Variants in AGBL5 observed in about 807,000 individuals in gnomAD.
AGBL5 encodes AGBL carboxypeptidase 5.
A neutral mutation model predicts 88.0 loss-of-function variants in AGBL5; 51 were observed. The observed-to-expected ratio is 0.58, with a 90% CI of 0.46 to 0.73. AGBL5 has a LOEUF of 0.73. Among genes scored for constraint, AGBL5 ranks in the 30% least tolerant of loss-of-function variants. The pLI is 0.00. For synonymous variants in AGBL5, 446 were observed against 438.8 expected (o/e 1.02, Z -0.21); for missense variants, 1,031 against 1,162.2 (o/e 0.89, Z 1.64).
At chr2:27,051,989 T>C (rs1866653) in intron 1 of AGBL5, 196 bp downstream of exon 1, 149,302 of 152,806 alleles carry the variant, frequency 0.98, 73,034 homozygotes, top group East Asian at 1. Context: ...CCCTGCCTAA[T>C]CCCCTGCCGC....
At chr2:27,068,501 G>T in intron 12 of AGBL5, 131 bp from the exon 13 acceptor site, 1 of 712,008 alleles carries the variant, frequency 1.4e-6, no homozygotes, top group Non-Finnish European at 2.3e-6. Context: ...CAATGCACAA[G>T]ACTACTCCCC....
rs1222905929 is a variant in AGBL5 at position 27,059,264 on chromosome 2, G to A, written c.1949G>A (p.Gly650Asp). The A allele has an allele frequency of 3.7e-6, 6 of 1,614,098 alleles. No homozygotes were observed. The highest frequency in any genetic ancestry group is 5.1e-6 in the Non-Finnish European group (6 of 1,180,046). ...TTTAGCACCGGCACAAGTGCCGGTG[G>A]TAGCAGCAGCAGCCAACAAAATTCT... is the stretch of plus-strand genomic sequence containing the variant. Reference protein sequence around the residue: ...RSFSTGTSAGGSSSSQQNSPQ... With the variant: ...RSFSTGTSAGDSSSSQQNSPQ... Residue 650 changes from glycine to aspartate, a missense_variant, in exon 11 of 15, where the codon GGT becomes GAT. Transcript: ENST00000360131.
At chr2:27,068,360 C>G (rs563013056) in intron 12 of AGBL5, among the ~76,000 whole-genome samples, 1 of 152,256 alleles carries the variant, frequency 6.6e-6, no homozygotes, top group Non-Finnish European at 1.5e-5. Context: ...AGAGCCTCAA[C>G]CAGGGGTGAT....
chr2:27,065,780 TGAAA>T (rs1558423555), intron 11 of AGBL5, among the ~76,000 whole-genome samples: 6 of 152,120 alleles, frequency 3.9e-5, no homozygotes, highest in Admixed American at 2.0e-4. Context: ...AGATGGGACA[TGAAA>T]GATGGTCATG....
Position 27,070,237 on chromosome 2 carries a change from C to T in AGBL5, c.2635C>T (p.Pro879Ser). 1.2e-6 allele frequency: 2 copies of T among 1,614,220 alleles called. No homozygotes were observed. Among genetic ancestry groups the T allele is most frequent in the Non-Finnish European group, 1.7e-6 (2 of 1,180,024 alleles). Residue 879 changes from proline to serine, a missense_variant, in exon 15 of 15, where the codon CCA becomes TCA. Physicochemically the swap from Pro to Ser is moderately conservative, Grantham distance 74 (BLOSUM62 -1). Around this residue, in one of 2 missense-constraint regions of AGBL5, gnomAD observed 491 missense variants for 484.0 expected, o/e 1.01. Coordinates refer to ENST00000360131, the MANE Select transcript of AGBL5 (RefSeq NM_021831.6). ...PEVCFVPKSP[P>S]LTVSPRV ...GGTTTGTTTTGTCCCTAAATCTCCC[C>T]CACTGACTGTTTCTCCCCGGGTCTG...
intron 9 of AGBL5, 62 bp from the exon 10 acceptor site, chr2:27,058,338 C>A: frequency 6.3e-7 from 1 of 1,592,414 alleles, no homozygotes; most frequent in East Asian, 2.2e-5. Flanking sequence ...TGTGTACCCA[C>A]CCCAAGGTAG....
At chr2:27,060,837 A>G (rs1668681912) in intron 11 of AGBL5, among the ~76,000 whole-genome samples, 1 of 152,260 alleles carries the variant, frequency 6.6e-6, no homozygotes, top group Admixed American at 6.5e-5. Flanking sequence ...TTATGTTTAC[A>G]TAGCATTTAA....
chr2:27,062,996 G>A (rs1668790182), intron 11 of AGBL5: 1 of 152,268 alleles, frequency 6.6e-6, no homozygotes, highest in South Asian at 2.1e-4. Context: ...GTAAGACTGT[G>A]TAAGACACTG....
chr2:27,051,159 T>C (rs1024779915), upstream of AGBL5: 2 of 152,250 alleles, frequency 1.3e-5, no homozygotes, highest in African/African-American at 4.8e-5. Flanking sequence ...GATCCACTGG[T>C]CAGTGAACAG....
chr2:27,051,211 G>T (rs76952917), upstream of AGBL5, among the ~76,000 whole-genome samples: 3 of 152,236 alleles, frequency 2.0e-5, no homozygotes, highest in Admixed American at 6.5e-5. Flanking sequence ...CTAAGCAGCA[G>T]GCGGGGGATT....
chr2:27,055,393 TGAGA>T, intron 6 of AGBL5, 140 bp downstream of exon 6: 1 of 1,158,122 alleles, frequency 8.6e-7, no homozygotes, highest in Non-Finnish European at 1.2e-6. Flanking sequence ...CTCATCTTCC[TGAGA>T]AAGCATGAGA....
rs1558412302 is a variant in AGBL5, at chr2:27,053,779, C to T, written c.388-117C>T. The stretch of plus-strand genomic sequence containing the variant: ...GCCACTTTTCATATAGAAAGTGTCA[C>T]AGGGAGGGAAGTTGGTAAAGGTGAT... On this transcript the variant is annotated intron_variant, in intron 3 of 14. Coordinates refer to ENST00000360131, the MANE Select transcript of AGBL5 (RefSeq NM_021831.6). This position sits in a 1 kb window ranked among gnomAD's most constrained non-coding sequence, Gnocchi z 4.9. 2.1e-6 allele frequency: 3 copies of T among 1,444,668 alleles called. No homozygotes were observed. The highest frequency in any genetic ancestry group is 2.8e-6 in the Non-Finnish European group (3 of 1,072,386). 89.5% of individuals were successfully genotyped at this position (1,444,668 alleles called of 1,614,324 possible). A position where few individuals can be genotyped will look rare whatever the true frequency, so the allele number is the denominator to read the frequency against.
intron 11 of AGBL5, among the ~76,000 whole-genome samples, chr2:27,067,179 G>C (rs1669028705): frequency 6.6e-6 from 1 of 151,572 alleles, no homozygotes; most frequent in Non-Finnish European, 1.5e-5. Context: ...CTGAGCCTAG[G>C]AGGCTGAGGC....
At chr2:27,064,438 G>C (rs1216889168) in intron 11 of AGBL5, among the ~76,000 whole-genome samples, 2 of 151,876 alleles carry the variant, frequency 1.3e-5, no homozygotes. Context: ...TGGGCCTACA[G>C]GTGCACACCA....
chr2:27,070,278 T>A lies in AGBL5; in HGVS notation c.*15T>A, dbSNP rs781207429. On this transcript the variant is annotated 3_prime_UTR_variant, in exon 15 of 15. Coordinates refer to ENST00000360131, the MANE Select transcript of AGBL5 (RefSeq NM_021831.6). ...CCCGGGTCTGATAATGCCTTTATGT[T>A]CAAGCCCAGGATATAGCCCCAAGAT... 1 of 1,613,236 alleles carries A rather than the reference T, an allele frequency of 6.2e-7. No individual in the cohort carries two copies. Among genetic ancestry groups the A allele is most frequent in the South Asian group, 1.1e-5 (1 of 91,064 alleles).
intron 9 of AGBL5, among the ~76,000 whole-genome samples, chr2:27,057,667 C>T (rs1668508704): frequency 6.6e-6 from 1 of 152,238 alleles, no homozygotes; most frequent in South Asian, 2.1e-4. Flanking sequence ...TCCCCTAGCA[C>T]CTCTGAGTCA....
chr2:27,060,267 G>A (rs1668648877), intron 11 of AGBL5, among the ~76,000 whole-genome samples: 1 of 152,194 alleles, frequency 6.6e-6, no homozygotes, highest in African/African-American at 2.4e-5. Context: ...TTCCAGCAGT[G>A]AGCACAGTTG....
intron 11 of AGBL5, among the ~76,000 whole-genome samples, chr2:27,060,412 A>AT (rs1668656511): frequency 6.6e-6 from 1 of 152,202 alleles, no homozygotes; most frequent in African/African-American, 2.4e-5. Context: ...AGTAACCTGG[A>AT]TTGCGGAGGG....
rs576288043 is a variant in AGBL5 at position 27,064,681 on chromosome 2, CTTCT to C, written c.2090-2810_2090-2807del. ...CTTCCATCCTGAGATCTCTCCCTTTCTTCTTTATTCATACAAGTATCGATTTTTT... is the reference window on the plus strand; with the variant it reads ...CTTCCATCCTGAGATCTCTCCCTTTCTTATTCATACAAGTATCGATTTTTT... On this transcript the variant is annotated intron_variant, in intron 11 of 14. Transcript: ENST00000360131. Among the ~76,000 whole-genome samples, 24 of 145,326 alleles carry C rather than the reference CTTCT, an allele frequency of 1.7e-4. No individual in the cohort carries two copies. In the South Asian group the frequency reaches 5.2e-3, roughly 32 times the overall value.
Sources: allele counts gnomAD v4.1 joint callset (sites outside exome capture counted in the v4.1 genomes callset), GRCh38; gene constraint gnomAD v4.1.1; regional missense constraint gnomAD v4.1.1; non-coding constraint Gnocchi (gnomAD v3.1); transcripts MANE v1.5; gene names NCBI Gene and HGNC (gene_info 2026-07-23, HGNC 2026-07-21).